The following ANO6 variants were observed in gnomAD, a reference collection of about 807,000 sequenced individuals.
ANO6 encodes the protein anoctamin 6.
ANO6 carries 106 observed loss-of-function variants against 117.5 expected under a neutral mutation model. That is an observed-to-expected ratio of 0.90 (90% confidence interval 0.77 to 1.06). ANO6 has a LOEUF of 1.06. ANO6 is among the 50% of genes least tolerant of loss of function. ANO6 has a pLI of 0.00. For synonymous variants in ANO6, 367 were observed against 385.1 expected (o/e 0.95, Z 0.55); for missense variants, 955 against 1,121.1 (o/e 0.85, Z 2.12).
chr12:45,373,710 C>G (rs1941916447), intron 9 of ANO6, among the ~76,000 whole-genome samples: 2 of 152,136 alleles, frequency 1.3e-5, no homozygotes, highest in Admixed American at 6.5e-5. Flanking sequence ...ACATTCAAAG[C>G]AGTGTATAGA....
chr12:45,369,496 TTTG>T, intron 9 of ANO6, among the ~76,000 whole-genome samples: 1 of 149,730 alleles, frequency 6.7e-6, no homozygotes, highest in South Asian at 2.1e-4. Context: ...TGTGCATTTT[TTTG>T]TTTTGAAAAA....
chr12:45,327,423 C>A (rs1940507063), intron 2 of ANO6, among the ~76,000 whole-genome samples: 1 of 152,164 alleles, frequency 6.6e-6, no homozygotes, highest in African/African-American at 2.4e-5. Flanking sequence ...CACTTAAAAT[C>A]TGCTTCTGGA....
At chr12:45,281,791 T>G (rs1938745139) in intron 1 of ANO6, among the ~76,000 whole-genome samples, 1 of 152,248 alleles carries the variant, frequency 6.6e-6, no homozygotes, top group Non-Finnish European at 1.5e-5. Context: ...TGAAAGTGGT[T>G]TCCTAATGGG....
chr12:45,439,954 C>A lies in ANO6; in HGVS notation c.*16C>A. 7 of 1,460,046 alleles carry A rather than the reference C, an allele frequency of 4.8e-6. No individual in the cohort carries two copies. The South Asian group carries it at 9.6e-5, about 20-fold the overall frequency. The allele number at this position is 1,460,046 out of a possible 1,614,324, so 90.4% of individuals were successfully genotyped here. ...CTTAAGTTAGATTTATTCAATAATT[C>A]ATTCAACAAATATTTGTGTGTCTAT... On this transcript the variant is annotated 3_prime_UTR_variant, in exon 20 of 20. Coordinates refer to the ANO6 transcript ENST00000425752.
At chr12:45,310,519 A>G (rs1431399394) in intron 2 of ANO6, among the ~76,000 whole-genome samples, 1 of 152,080 alleles carries the variant, frequency 6.6e-6, no homozygotes, top group Non-Finnish European at 1.5e-5. Context: ...CAGTTTAAGG[A>G]AGTCAGTTTA....
At chr12:45,248,736 G>GA (rs1947861213) in intron 1 of ANO6, among the ~76,000 whole-genome samples, 1 of 152,042 alleles carries the variant, frequency 6.6e-6, no homozygotes, top group African/African-American at 2.4e-5. Context: ...AGACTTTTTA[G>GA]AAAAAACAAA....
intron 10 of ANO6, among the ~76,000 whole-genome samples, chr12:45,380,601 A>G (rs1477454361): frequency 6.6e-6 from 1 of 152,226 alleles, no homozygotes; most frequent in Non-Finnish European, 1.5e-5. Flanking sequence ...AGTGACATAC[A>G]GATGCTTCTG....
intron 2 of ANO6, among the ~76,000 whole-genome samples, chr12:45,314,333 G>C (rs1326983001): frequency 1.3e-5 from 2 of 151,680 alleles, no homozygotes; most frequent in African/African-American, 4.8e-5. Flanking sequence ...AGAAAAATCA[G>C]GTTTGGGCTG....
intron 8 of ANO6, among the ~76,000 whole-genome samples, chr12:45,364,004 T>A (rs1314661468): frequency 6.6e-6 from 1 of 152,230 alleles, no homozygotes; most frequent in Non-Finnish European, 1.5e-5. Flanking sequence ...CAACAGATTC[T>A]TTCAGATTTT....
chr12:45,218,016 G>A (rs911620466), intron 1 of ANO6, among the ~76,000 whole-genome samples: 4 of 152,124 alleles, frequency 2.6e-5, no homozygotes, highest in African/African-American at 4.8e-5. Context: ...TACCTATTGA[G>A]GCATCGTATA....
At chr12:45,277,813 C>G (rs2137247673) in intron 1 of ANO6, among the ~76,000 whole-genome samples, 1 of 152,210 alleles carries the variant, frequency 6.6e-6, no homozygotes, top group East Asian at 1.9e-4. Flanking sequence ...GTATGAAAAA[C>G]TTTTCCGCTC....
In ANO6 at chr12:45,295,548, A is replaced by G. The variant is rs1353853252; in HGVS notation, c.71-6466A>G. Reference sequence around the variant, plus strand: ...TGTGGCTGCTTTTACTCTCTTTTTTATTTGTTTATTTTGTTTTGTTTTTGA... The same window carrying G: ...TGTGGCTGCTTTTACTCTCTTTTTTGTTTGTTTATTTTGTTTTGTTTTTGA... On this transcript the variant is annotated intron_variant, in intron 1 of 19. Coordinates refer to ENST00000320560, the MANE Select transcript of ANO6 (RefSeq NM_001025356.3). Among the ~76,000 whole-genome samples the G allele has an allele frequency of 3.3e-5, 5 of 151,826 alleles. No individual in the cohort carries two copies. In the East Asian group the frequency reaches 7.7e-4, roughly 24 times the overall value.
intron 19 of ANO6, among the ~76,000 whole-genome samples, chr12:45,427,936 C>CGAAA (rs1943544686): frequency 1.6e-5 from 1 of 62,966 alleles, no homozygotes; most frequent in African/African-American, 5.3e-5. Flanking sequence ...GACTCTGCCT[C>CGAAA]AAAAAAAAAA....
intron 1 of ANO6, among the ~76,000 whole-genome samples, chr12:45,234,573 A>G (rs1221794984): frequency 1.3e-5 from 2 of 152,166 alleles, no homozygotes; most frequent in Non-Finnish European, 2.9e-5. Context: ...CCCTTTTCCA[A>G]GTTCCCAGGG....
chr12:45,283,502 T>TA lies in ANO6; in HGVS notation c.71-18511dup, dbSNP rs138854938. Among the ~76,000 whole-genome samples, 1,443 of 152,328 alleles carry TA rather than the reference T, an allele frequency of 9.5e-3. 11 individuals are homozygous for TA. Among genetic ancestry groups the TA allele is most frequent in the Non-Finnish European group, 0.017 (1,135 of 68,026 alleles). On this transcript the variant is annotated intron_variant, in intron 1 of 19. Transcript: ENST00000320560. ...GTATTTCCAGAGCTTGCCCAGTGCT[T>TA]ACGTTTAGCAAGAGTGCCACAAACA...
chr12:45,265,453 GATAATA>G (rs1350650581), intron 1 of ANO6, among the ~76,000 whole-genome samples: 1 of 152,114 alleles, frequency 6.6e-6, no homozygotes, highest in African/African-American at 2.4e-5. Flanking sequence ...AGTGTGGAAT[GATAATA>G]ATAAATGATA....
At chr12:45,375,486 G>A (rs1184552715) in intron 9 of ANO6, among the ~76,000 whole-genome samples, 3 of 152,138 alleles carry the variant, frequency 2.0e-5, no homozygotes, top group African/African-American at 7.2e-5. Context: ...AAAACAGCAT[G>A]GTACTGGTAC....
At chr12:45,342,801 A>C (rs1941018134) in intron 3 of ANO6, among the ~76,000 whole-genome samples, 1 of 152,230 alleles carries the variant, frequency 6.6e-6, no homozygotes, top group African/African-American at 2.4e-5. Context: ...ATTGAACAGT[A>C]GGCAGGGCCA....
intron 1 of ANO6, among the ~76,000 whole-genome samples, chr12:45,237,709 C>CT (rs1947668439): frequency 6.6e-6 from 1 of 151,998 alleles, no homozygotes; most frequent in Non-Finnish European, 1.5e-5. Flanking sequence ...CAATGTGGGC[C>CT]TTTTTTTGGT....
Sources: allele counts gnomAD v4.1 joint callset (sites outside exome capture counted in the v4.1 genomes callset), GRCh38; gene constraint gnomAD v4.1.1; transcripts MANE v1.5; gene names NCBI Gene and HGNC (gene_info 2026-07-23, HGNC 2026-07-21).